The following DPP10 variants were observed in gnomAD, a reference collection of about 807,000 sequenced individuals.
DPP10 encodes dipeptidyl peptidase like 10, also known as inactive dipeptidyl peptidase 10.
DPP10 carries 33 observed loss-of-function variants against 120.9 expected under a neutral mutation model. The observed-to-expected ratio is 0.27, with a 90% CI of 0.21 to 0.37. DPP10 has a LOEUF of 0.37. Among genes scored for constraint, DPP10 ranks in the 10% least tolerant of loss-of-function variants. DPP10 has a pLI of 1.00. For synonymous variants in DPP10, 337 were observed against 326.1 expected, an observed-to-expected ratio of 1.03 and a Z score of -0.36; for missense variants, 816 against 942.8, an observed-to-expected ratio of 0.87 and a Z score of 1.76.
chr2:114,932,253 A>G (rs1696131338), intron 1 of DPP10, among the ~76,000 whole-genome samples: 1 of 152,254 alleles, frequency 6.6e-6, no homozygotes, highest in Non-Finnish European at 1.5e-5. Context: ...ACACATTTGC[A>G]GAACATCTAA....
In DPP10 at chr2:115,007,705, A is replaced by G. The variant is rs1407486833; in HGVS notation, c.61-301534A>G. ...ATTGTCTCAGCCCGAAATCTCCTTA[A>G]GCTGATAAGCAACTTCAGCAAAGTC... On this transcript the variant is annotated intron_variant, in intron 1 of 25. Coordinates refer to ENST00000410059, the MANE Select transcript of DPP10 (RefSeq NM_020868.6). Among the ~76,000 whole-genome samples, 10 of 151,964 alleles carry G rather than the reference A, an allele frequency of 6.6e-5. No individual in the cohort carries two copies. The South Asian group carries it at 1.9e-3, about 29-fold the overall frequency.
intron 3 of DPP10, among the ~76,000 whole-genome samples, chr2:115,393,903 T>C (rs1406782064): frequency 2.0e-5 from 3 of 152,170 alleles, no homozygotes; most frequent in South Asian, 2.1e-4. Context: ...TGGAGGTCCA[T>C]AGATGAAACA....
chr2:115,225,731 G>GGTA (rs1347487690), intron 1 of DPP10, among the ~76,000 whole-genome samples: 1 of 151,838 alleles, frequency 6.6e-6, no homozygotes, highest in East Asian at 1.9e-4. Flanking sequence ...CTTTGTGCTA[G>GGTA]TTTTCTTTAT....
intron 1 of DPP10, among the ~76,000 whole-genome samples, chr2:114,656,609 T>C (rs1225924227): frequency 6.6e-6 from 1 of 152,144 alleles, no homozygotes; most frequent in African/African-American, 2.4e-5. Flanking sequence ...ATTGAGCAAT[T>C]TTATGCACAG....
chr2:114,620,083 G>A (rs1693981619), intron 1 of DPP10, among the ~76,000 whole-genome samples: 1 of 151,816 alleles, frequency 6.6e-6, no homozygotes, highest in South Asian at 2.1e-4. Context: ...AAATTTAATT[G>A]TTGACATGCT....
chr2:115,124,080 C>A (rs1303906758), intron 1 of DPP10, among the ~76,000 whole-genome samples: 1 of 151,716 alleles, frequency 6.6e-6, no homozygotes, highest in East Asian at 1.9e-4. Context: ...GTAGCTGGGA[C>A]TACAAGCATA....
chr2:114,664,646 A>G (rs1697761786), intron 1 of DPP10, among the ~76,000 whole-genome samples: 1 of 151,334 alleles, frequency 6.6e-6, no homozygotes. Context: ...AAAAAAAAAA[A>G]AAGAAAGAAA....
intron 1 of DPP10, among the ~76,000 whole-genome samples, chr2:114,934,494 A>G (rs1199938681): frequency 2.0e-5 from 3 of 152,100 alleles, no homozygotes; most frequent in Non-Finnish European, 2.9e-5. Context: ...CTTCATGTTG[A>G]GTGGGCTGAG....
chr2:115,311,024 A>G (rs2061554284), intron 2 of DPP10, among the ~76,000 whole-genome samples: 1 of 152,208 alleles, frequency 6.6e-6, no homozygotes, highest in African/African-American at 2.4e-5. Flanking sequence ...TGAGGCACTC[A>G]CTAAGTTAAA....
At chr2:115,569,116 G>T (rs2081193799) in intron 5 of DPP10, among the ~76,000 whole-genome samples, 1 of 152,110 alleles carries the variant, frequency 6.6e-6, no homozygotes, top group African/African-American at 2.4e-5. Flanking sequence ...CCACCCCTTA[G>T]TTCACAGATG....
chr2:114,578,820 T>C (rs1376273070), intron 1 of DPP10, among the ~76,000 whole-genome samples: 1 of 152,228 alleles, frequency 6.6e-6, no homozygotes, highest in East Asian at 1.9e-4. Flanking sequence ...CTGATCCTCT[T>C]CTATTTATTA....
chr2:114,782,604 T>G (rs1426158634), intron 1 of DPP10, among the ~76,000 whole-genome samples: 2 of 152,060 alleles, frequency 1.3e-5, no homozygotes, highest in Non-Finnish European at 2.9e-5. Flanking sequence ...GTTGTTGTTT[T>G]CAAGACCAGT....
At chr2:114,502,083 G>T (rs13407464) in intron 1 of DPP10, among the ~76,000 whole-genome samples, 2 of 151,526 alleles carry the variant, frequency 1.3e-5, no homozygotes, top group Non-Finnish European at 2.9e-5. Flanking sequence ...TTACAGGCAC[G>T]CACCACCACG....
chr2:115,557,948 A>C (rs1444779249), intron 5 of DPP10, among the ~76,000 whole-genome samples: 1 of 152,230 alleles, frequency 6.6e-6, no homozygotes, highest in Non-Finnish European at 1.5e-5. Flanking sequence ...GGTACAAAAC[A>C]CATGGACTTA....
At chr2:115,034,650 C>T (rs1298111162) in intron 1 of DPP10, among the ~76,000 whole-genome samples, 5 of 152,208 alleles carry the variant, frequency 3.3e-5, no homozygotes, top group Admixed American at 6.5e-5. Flanking sequence ...AAAGACCCTG[C>T]ACATTATAAA....
intron 7 of DPP10, among the ~76,000 whole-genome samples, chr2:115,721,078 C>T (rs1051268501): frequency 2.6e-4 from 40 of 152,280 alleles, no homozygotes; most frequent in African/African-American, 9.1e-4. Flanking sequence ...GCTTAGGATT[C>T]AAGTGGGAGA....
chr2:115,115,342 TTG>T (rs1559112569), intron 1 of DPP10, among the ~76,000 whole-genome samples: 2 of 152,150 alleles, frequency 1.3e-5, no homozygotes, highest in Non-Finnish European at 2.9e-5. Flanking sequence ...GTGACAACCA[TTG>T]CTAGCATAAC....
intron 5 of DPP10, among the ~76,000 whole-genome samples, chr2:115,599,428 G>A (rs1244158109): frequency 1.3e-5 from 2 of 152,024 alleles, no homozygotes; most frequent in Non-Finnish European, 2.9e-5. Flanking sequence ...AAGTTCACTG[G>A]CCATTTTCTC....
At chr2:114,580,721 G>GTTTT (rs11384274) in intron 1 of DPP10, among the ~76,000 whole-genome samples, 2 of 123,108 alleles carry the variant, frequency 1.6e-5, no homozygotes, top group East Asian at 2.2e-4. Context: ...TATCACATCT[G>GTTTT]TTTTTTTTTT....
Sources: gnomAD v4.1 joint callset for allele counts (sites outside exome capture counted in the v4.1 genomes callset) on GRCh38, gnomAD v4.1.1 for gene constraint, MANE v1.5 for transcripts, NCBI Gene and HGNC (gene_info 2026-07-23, HGNC 2026-07-21) for gene names.